The following CCND1 variants were observed in gnomAD, a reference collection of about 807,000 sequenced individuals.
CCND1 encodes the protein G1/S-specific cyclin-D1.
CCND1 carries 9 observed loss-of-function variants against 26.1 expected under a neutral mutation model. That is an observed-to-expected ratio of 0.35 (90% CI 0.21 to 0.60). The LOEUF is 0.60. CCND1 is among the 20% of genes least tolerant of loss of function. The pLI is 0.79. For synonymous variants in CCND1, 194 were observed against 166.1 expected (o/e 1.17, Z -1.29); for missense variants, 335 against 392.9 (o/e 0.85, Z 1.25).
At chr11:69,650,506 G>T (rs7944853) in intron 4 of CCND1, among the ~76,000 whole-genome samples, 101 of 152,304 alleles carry the variant, frequency 6.6e-4, no homozygotes, top group Middle Eastern at 3.4e-3. Flanking sequence ...CTCAGTGGCC[G>T]CAGTGGGTGG....
rs1374910955 is a variant in CCND1 at position 69,652,208 on chromosome 11, C to T, written c.*926C>T. On this transcript the variant is annotated 3_prime_UTR_variant, in exon 5 of 5. Transcript: ENST00000227507. ...TATGAGATGCTGGTTTTCTACCCAACGGCCCTGCAGCCAGCTCACGTCCAG... is the reference window on the plus strand; with the variant it reads ...TATGAGATGCTGGTTTTCTACCCAATGGCCCTGCAGCCAGCTCACGTCCAG... The T allele has an allele frequency of 3.0e-5, 7 of 233,600 alleles. No individual in the cohort carries two copies. Among genetic ancestry groups the T allele is most frequent in the Non-Finnish European group, 4.2e-5 (5 of 118,062 alleles). The allele number at this position is 233,600 out of a possible 1,614,324, so 14.5% of individuals were successfully genotyped here.
At position 69,654,001 on chromosome 11, in the gene CCND1, C is replaced by T. The variant is rs1855889664; in HGVS notation, c.*2719C>T. ...AAGCCAGCTCACAGTGCTGTGTGCC[C>T]CGGTCACCTAGCAAGCTGCCGAACC... On this transcript the variant is annotated 3_prime_UTR_variant, in exon 5 of 5. Transcript: ENST00000227507. This position sits in a 1 kb window ranked among gnomAD's most constrained non-coding sequence, Gnocchi z 6.3. 1 of 597,120 alleles carries T rather than the reference C, an allele frequency of 1.7e-6. No homozygotes were observed. The highest frequency in any genetic ancestry group is 2.8e-5 in the East Asian group (1 of 36,244). The allele number at this position is 597,120 out of a possible 1,614,324, so 37.0% of individuals were successfully genotyped here.
intron 4 of CCND1, among the ~76,000 whole-genome samples, chr11:69,648,992 T>C (rs189660824): frequency 1.2e-4 from 18 of 152,288 alleles, no homozygotes; most frequent in Admixed American, 1.1e-3. Flanking sequence ...CCAGCCCATG[T>C]GTGTCTCGGA....
Position 69,648,044 on chromosome 11 carries a change from G to C in CCND1, c.625G>C (p.Val209Leu). Reference protein sequence around the residue: ...PPSMVAAGSVVAAVQGLNLRS... With the variant: ...PPSMVAAGSVLAAVQGLNLRS... ...CTCCATGGTGGCAGCGGGGAGCGTG[G>C]TGGCCGCAGTGCAAGGCCTGAACCT... The change falls in exon 4 of 5, where the codon GTG (valine) becomes CTG (leucine). Residue 209 changes from valine (V) to leucine (L), a missense_variant. Physicochemically the swap from Val to Leu is conservative, Grantham distance 32 (BLOSUM62 1). Coordinates refer to ENST00000227507, the MANE Select transcript of CCND1 (RefSeq NM_053056.3). 1 of 1,613,962 alleles carries C rather than the reference G, an allele frequency of 6.2e-7. No homozygotes were observed. The highest frequency in any genetic ancestry group is 1.3e-5 in the African/African-American group (1 of 75,046).
At chr11:69,643,767 CGGCTTCCCCGCGCCCCCG>C (rs1216597909) in intron 2 of CCND1, 47 bp from the exon 3 acceptor site, 3 of 1,521,966 alleles carry the variant, frequency 2.0e-6, no homozygotes, top group Non-Finnish European at 2.7e-6. Context: ...CCCGTGCTGC[CGGCTTCCCCGCGCCCCCG>C]GGCTGGCCCG....
chr11:69,650,231 G>A (rs1457745490), intron 4 of CCND1, among the ~76,000 whole-genome samples: 1 of 152,238 alleles, frequency 6.6e-6, no homozygotes, highest in Admixed American at 6.5e-5. Context: ...CTTCCTGGCA[G>A]TTGGGACACA....
chr11:69,643,221 A>G lies in CCND1; in HGVS notation c.389A>G (p.Asn130Ser), dbSNP rs1131439. ...GAGAAGCTGTGCATCTACACCGACAACTCCATCCGGCCCGAGGAGCTGCTG... is the reference window on the plus strand; with the variant it reads ...GAGAAGCTGTGCATCTACACCGACAGCTCCATCCGGCCCGAGGAGCTGCTG... ...TAEKLCIYTD[N>S]SIRPEELLQM... The change falls in exon 2 of 5, where the codon AAC becomes AGC. Residue 130 changes from asparagine to serine, a missense_variant. Physicochemically the swap from Asn to Ser is conservative, Grantham distance 46. Transcript: ENST00000227507. 5 of 1,592,996 alleles carry G rather than the reference A, an allele frequency of 3.1e-6. No individual in the cohort carries two copies. Among genetic ancestry groups the G allele is most frequent in the Non-Finnish European group, 4.3e-6 (5 of 1,170,864 alleles).
chr11:69,644,076 G>A (rs921695305), intron 3 of CCND1, 85 bp downstream of exon 3: 1 of 1,379,214 alleles, frequency 7.3e-7, no homozygotes. Context: ...CTCCACCTGG[G>A]TGCTGTCTGG....
At chr11:69,643,773 C>T (rs2120092686) in intron 2 of CCND1, 59 bp from the exon 3 acceptor site, 4 of 1,538,990 alleles carry the variant, frequency 2.6e-6, no homozygotes. Context: ...CTGCCGGCTT[C>T]CCCGCGCCCC....
rs1160883623 is a variant in CCND1 at position 69,643,108 on chromosome 11, G to C, written c.276G>C (p.Glu92Asp). 6.2e-7 allele frequency: 1 copy of C among 1,611,076 alleles called. No individual in the cohort carries two copies. Among genetic ancestry groups the C allele is most frequent in the Non-Finnish European group, 8.5e-7 (1 of 1,179,084 alleles). ...MNYLDRFLSL[E>D]PVKKSRLQLL... ...ACCTGGACCGCTTCCTGTCGCTGGAGCCCGTGAAAAAGAGCCGCCTGCAGC... is the reference window on the plus strand; with the variant it reads ...ACCTGGACCGCTTCCTGTCGCTGGACCCCGTGAAAAAGAGCCGCCTGCAGC... Residue 92 changes from glutamate to aspartate, a missense_variant, in exon 2 of 5, where the codon GAG becomes GAC. Physicochemically the swap from Glu to Asp is conservative, Grantham distance 45. Transcript: ENST00000227507.
At position 69,654,221 on chromosome 11, in the gene CCND1, G is replaced by T. The variant is rs1373915658; in HGVS notation, c.*2939G>T. On this transcript the variant is annotated 3_prime_UTR_variant, in exon 5 of 5. Coordinates refer to ENST00000227507, the MANE Select transcript of CCND1 (RefSeq NM_053056.3). The surrounding 1 kb of genome is among the most constrained non-coding windows in gnomAD (Gnocchi z 6.3). Reference sequence around the variant, plus strand: ...GGGGGCCTTGAGGGACGCTTTGTCTGTCGTGATGGGGCAAGGGCACAAGTC... The same window carrying T: ...GGGGGCCTTGAGGGACGCTTTGTCTTTCGTGATGGGGCAAGGGCACAAGTC... The T allele has an allele frequency of 2.8e-6, 2 of 702,462 alleles. No individual in the cohort carries two copies. Among genetic ancestry groups the T allele is most frequent in the Non-Finnish European group, 5.2e-6 (2 of 384,980 alleles). The allele number at this position is 702,462 out of a possible 1,614,324, so 43.5% of individuals were successfully genotyped here. A position where few individuals can be genotyped will look rare whatever the true frequency, so the allele number is the denominator to read the frequency against.
In CCND1 at chr11:69,654,293, C is replaced by T. The variant is rs575482362; in HGVS notation, c.*3011C>T. ...AGGCCAAAGGCTGGTGGCAAGTGCACGGGGCACAGCGGAGTCTGTCCTGTG... is the reference window on the plus strand; with the variant it reads ...AGGCCAAAGGCTGGTGGCAAGTGCATGGGGCACAGCGGAGTCTGTCCTGTG... On this transcript the variant is annotated 3_prime_UTR_variant, in exon 5 of 5. Transcript: ENST00000227507. This position sits in a 1 kb window ranked among gnomAD's most constrained non-coding sequence, Gnocchi z 6.3. The T allele has an allele frequency of 6.4e-5, 45 of 702,534 alleles. No individual in the cohort carries two copies. The East Asian group carries it at 6.7e-4, about 10-fold the overall frequency. 43.5% of individuals were successfully genotyped at this position (702,534 alleles called of 1,614,324 possible).
At chr11:69,642,492 AC>A (rs1319596764) in intron 1 of CCND1, among the ~76,000 whole-genome samples, 5 of 151,790 alleles carry the variant, frequency 3.3e-5, no homozygotes, top group African/African-American at 9.7e-5. Flanking sequence ...CGAACTCCCA[AC>A]CCCCGGCCTG....
chr11:69,654,216 T>C lies in CCND1; in HGVS notation c.*2934T>C, dbSNP rs1198414998. The C allele has an allele frequency of 1.4e-6, 1 of 702,452 alleles. No homozygotes were observed. The highest frequency in any genetic ancestry group is 1.5e-5 in the South Asian group (1 of 67,596). 43.5% of individuals were successfully genotyped at this position (702,452 alleles called of 1,614,324 possible). ...CACGCGGGGGCCTTGAGGGACGCTT[T>C]GTCTGTCGTGATGGGGCAAGGGCAC... is the stretch of plus-strand genomic sequence containing the variant. On this transcript the variant is annotated 3_prime_UTR_variant, in exon 5 of 5. Transcript: ENST00000227507. This position sits in a 1 kb window ranked among gnomAD's most constrained non-coding sequence, Gnocchi z 6.3.
rs760878237 is a variant in CCND1, at chr11:69,643,117, A to G, written c.285A>G (p.Lys95=). The part of the protein sequence containing the change: ...LDRFLSLEPV[K]KSRLQLLGAT... ...GCTTCCTGTCGCTGGAGCCCGTGAA[A>G]AAGAGCCGCCTGCAGCTGCTGGGGG... is the stretch of plus-strand genomic sequence containing the variant. Residue 95 remains lysine (K), a synonymous_variant, in exon 2 of 5, where the codon AAA becomes AAG. Coordinates refer to ENST00000227507, the MANE Select transcript of CCND1 (RefSeq NM_053056.3). The G allele has an allele frequency of 1.2e-6, 2 of 1,610,842 alleles. No individual in the cohort carries two copies. Among genetic ancestry groups the G allele is most frequent in the African/African-American group, 2.7e-5 (2 of 74,796 alleles).
At chr11:69,650,215 G>T (rs1245521202) in intron 4 of CCND1, among the ~76,000 whole-genome samples, 2 of 152,228 alleles carry the variant, frequency 1.3e-5, no homozygotes, top group African/African-American at 4.8e-5. Context: ...TGAAGCCCTA[G>T]CGTGGCTTCC....
At chr11:69,650,707 G>A (rs1210063690) in intron 4 of CCND1, among the ~76,000 whole-genome samples, 1 of 152,238 alleles carries the variant, frequency 6.6e-6, no homozygotes, top group Non-Finnish European at 1.5e-5. Context: ...ACATGGAGAG[G>A]TTAAGTCTGA....
Position 69,652,469 on chromosome 11 carries a change from G to A in CCND1, c.*1187G>A, listed in dbSNP as rs111859970. 2.3e-3 allele frequency: 539 copies of A among 233,590 alleles called. 1 individual carries two copies. The highest frequency in any genetic ancestry group is 8.5e-3 in the African/African-American group (388 of 45,458). 14.5% of individuals were successfully genotyped at this position (233,590 alleles called of 1,614,324 possible). ...GGAGGTGGGGTGTTTGGGAGGCTGC[G>A]TGCCAGTCAAGAAGAAAAAGGTTTG... is the stretch of plus-strand genomic sequence containing the variant. On this transcript the variant is annotated 3_prime_UTR_variant, in exon 5 of 5. Transcript: ENST00000227507.
In CCND1 at chr11:69,654,142, C is replaced by T; in HGVS notation, c.*2860C>T. On this transcript the variant is annotated 3_prime_UTR_variant, in exon 5 of 5. Transcript: ENST00000227507. The surrounding 1 kb of genome is among the most constrained non-coding windows in gnomAD (Gnocchi z 6.3). ...CCCACCCCGCCCCACCCCTCCAGAACACGGCTCACGCTTACCTCAACCATC... is the reference window on the plus strand; with the variant it reads ...CCCACCCCGCCCCACCCCTCCAGAATACGGCTCACGCTTACCTCAACCATC... 2.1e-6 allele frequency: 1 copy of T among 481,752 alleles called. No homozygotes were observed. Among genetic ancestry groups the T allele is most frequent in the East Asian group, 5.2e-5 (1 of 19,090 alleles). 29.8% of individuals were successfully genotyped at this position (481,752 alleles called of 1,614,324 possible). A position where few individuals can be genotyped will look rare whatever the true frequency, so the allele number is the denominator to read the frequency against.
Sources: allele counts gnomAD v4.1 joint callset (sites outside exome capture counted in the v4.1 genomes callset), GRCh38; gene constraint gnomAD v4.1.1; non-coding constraint Gnocchi (gnomAD v3.1); transcripts MANE v1.5; gene names NCBI Gene and HGNC (gene_info 2026-07-23, HGNC 2026-07-21).